The following FAM219A variants were observed in gnomAD, a reference collection of about 807,000 sequenced individuals.
FAM219A encodes protein FAM219A.
A neutral mutation model predicts 23.4 loss-of-function variants in FAM219A; 7 were observed. That is an observed-to-expected ratio of 0.30 (90% CI 0.17 to 0.56). The LOEUF (loss-of-function observed/expected upper bound fraction) is 0.56. Ranked by LOEUF, FAM219A falls within the 20% of genes least tolerant of loss-of-function variation. The pLI is 0.92. For synonymous variants in FAM219A, 93 were observed against 99.0 expected (o/e 0.94, Z 0.36); for missense variants, 166 against 246.9 (o/e 0.67, Z 2.20).
chr9:34,458,372 C>A lies in FAM219A; in HGVS notation c.-109G>T. On this transcript the variant is annotated 5_prime_UTR_variant, in exon 1 of 6. Coordinates refer to ENST00000651358, the MANE Select transcript of FAM219A (RefSeq NM_001184940.2). This position sits in a 1 kb window ranked among gnomAD's most constrained non-coding sequence, Gnocchi z 6.6. ...GGCGGGTGGTGCAGACTAGGCCTCC[C>A]CGGACCACTCGGGCGGGCAGGGGCC... 1 of 739,186 alleles carries A rather than the reference C, an allele frequency of 1.4e-6. No individual in the cohort carries two copies. The highest frequency in any genetic ancestry group is 1.8e-6 in the Non-Finnish European group (1 of 553,668). 45.8% of individuals were successfully genotyped at this position (739,186 alleles called of 1,614,324 possible).
chr9:34,404,773 T>C (rs1821577658), intron 2 of FAM219A, among the ~76,000 whole-genome samples: 1 of 152,082 alleles, frequency 6.6e-6, no homozygotes, highest in African/African-American at 2.4e-5. Context: ...GGCTGCAGTT[T>C]TAATCTGATG....
At chr9:34,431,304 T>G (rs1285293033) in intron 1 of FAM219A, among the ~76,000 whole-genome samples, 1 of 152,164 alleles carries the variant, frequency 6.6e-6, no homozygotes, top group African/African-American at 2.4e-5. Flanking sequence ...ATTCTCCATG[T>G]GATAAATCAA....
At chr9:34,409,074 G>C (rs889369380) in intron 1 of FAM219A, among the ~76,000 whole-genome samples, 1 of 152,186 alleles carries the variant, frequency 6.6e-6, no homozygotes, top group South Asian at 2.1e-4. Context: ...TTTGATCCTG[G>C]ATGAAACTGC....
intron 1 of FAM219A, among the ~76,000 whole-genome samples, chr9:34,453,767 C>T (rs1490899236): frequency 6.6e-6 from 1 of 152,208 alleles, no homozygotes; most frequent in African/African-American, 2.4e-5. Context: ...CAATTAAGTG[C>T]TTAAAAGCTC....
At chr9:34,436,028 C>T (rs865897193) in intron 1 of FAM219A, among the ~76,000 whole-genome samples, 1 of 152,144 alleles carries the variant, frequency 6.6e-6, no homozygotes, top group Non-Finnish European at 1.5e-5. Context: ...TGGTCTCAAT[C>T]TCCTGACCTC....
At chr9:34,437,107 T>G (rs1588062668) in intron 1 of FAM219A, among the ~76,000 whole-genome samples, 1 of 152,234 alleles carries the variant, frequency 6.6e-6, no homozygotes, top group East Asian at 1.9e-4. Flanking sequence ...GGGTTTGCAC[T>G]TCCCAGGAAA....
In FAM219A at chr9:34,401,690, G is replaced by T; in HGVS notation, c.375C>A (p.Ser125=). 6.2e-7 allele frequency: 1 copy of T among 1,608,870 alleles called. No homozygotes were observed. The highest frequency in any genetic ancestry group is 8.5e-7 in the Non-Finnish European group (1 of 1,178,702). ...CCTCAGCAGAGGAGTAGCCGGAGGA[G>T]GAGTATCTAGACATGTCAAAGTCAT... is the stretch of plus-strand genomic sequence containing the variant. ...SDDDFDMSRY[S]SSGYSSAEQI... is the part of the protein sequence containing the mutation. The change falls in exon 5 of 6, where the codon TCC becomes TCA. Residue 125 remains serine (S), a synonymous_variant. Transcript: ENST00000651358.
At chr9:34,443,110 A>C (rs1823242396) in intron 1 of FAM219A, among the ~76,000 whole-genome samples, 1 of 152,170 alleles carries the variant, frequency 6.6e-6, no homozygotes, top group Non-Finnish European at 1.5e-5. Flanking sequence ...TTTCCAGGGC[A>C]AACCATTAAA....
intron 1 of FAM219A, among the ~76,000 whole-genome samples, chr9:34,437,789 T>C (rs959337550): frequency 2.6e-4 from 39 of 152,378 alleles, no homozygotes; most frequent in African/African-American, 8.4e-4. Flanking sequence ...TCGGTCGCTC[T>C]CAGCGCCTCC....
chr9:34,414,478 T>G (rs1394873250), intron 1 of FAM219A, among the ~76,000 whole-genome samples: 3 of 152,092 alleles, frequency 2.0e-5, no homozygotes, highest in Non-Finnish European at 4.4e-5. Flanking sequence ...TGTATACCTA[T>G]GTAACAAACC....
chr9:34,402,720 A>G lies in FAM219A; in HGVS notation c.248T>C (p.Val83Ala), dbSNP rs867843870. 6.2e-7 allele frequency: 1 copy of G among 1,614,160 alleles called. No homozygotes were observed. The highest frequency in any genetic ancestry group is 1.7e-4 in the Middle Eastern group (1 of 6,060). Reference protein sequence around the residue: ...PVNQQPKKNNVMARTRLVVPN... With the variant: ...PVNQQPKKNNAMARTRLVVPN... ...GGGCCTCTACCTTGTTCGGGCCATG[A>G]CATTGTTCTTCTTGGGTTGCTGGTT... The change falls in exon 3 of 6, where the codon GTC (valine) becomes GCC (alanine). Residue 83 changes from valine (V) to alanine (A), a missense_variant. Val to Ala is a moderately conservative substitution (Grantham distance 64). This residue lies in a region of FAM219A where 89 missense variants were observed against 98.8 expected (regional missense o/e 0.90). Transcript: ENST00000651358.
intron 1 of FAM219A, among the ~76,000 whole-genome samples, chr9:34,451,554 C>T (rs1295589948): frequency 6.7e-6 from 1 of 148,654 alleles, no homozygotes. Context: ...ACACGAGGCT[C>T]CACCTGCCTT....
At chr9:34,453,415 C>G (rs1823626240) in intron 1 of FAM219A, among the ~76,000 whole-genome samples, 1 of 152,168 alleles carries the variant, frequency 6.6e-6, no homozygotes, top group Admixed American at 6.5e-5. Context: ...GTCAGAATCT[C>G]AGCATTCCTC....
At chr9:34,446,734 T>C (rs1823390388) in intron 1 of FAM219A, among the ~76,000 whole-genome samples, 1 of 152,250 alleles carries the variant, frequency 6.6e-6, no homozygotes, top group Non-Finnish European at 1.5e-5. Flanking sequence ...TCTCTGAGAC[T>C]GCTTATTCAT....
At position 34,398,198 on chromosome 9, in the gene FAM219A, C is replaced by T; in HGVS notation, c.*2766G>A. 1 of 1,472,200 alleles carries T rather than the reference C, an allele frequency of 6.8e-7. No individual in the cohort carries two copies. Among genetic ancestry groups the T allele is most frequent in the Non-Finnish European group, 9.3e-7 (1 of 1,078,198 alleles). The allele number at this position is 1,472,200 out of a possible 1,614,324, so 91.2% of individuals were successfully genotyped here. A position where few individuals can be genotyped will look rare whatever the true frequency, so the allele number is the denominator to read the frequency against. ...GGAGCTGAGGCTGGCTTGTTTGATG[C>T]TTTTAATATCATTATTTGTGTTACA... On this transcript the variant is annotated 3_prime_UTR_variant, in exon 6 of 6. Coordinates refer to ENST00000651358, the MANE Select transcript of FAM219A (RefSeq NM_001184940.2).
intron 1 of FAM219A, among the ~76,000 whole-genome samples, chr9:34,410,068 A>T (rs1461546924): frequency 6.6e-6 from 1 of 152,224 alleles, no homozygotes. Context: ...TCAGTGATGG[A>T]GTCAATAACC....
chr9:34,413,574 T>C (rs1821900538), intron 1 of FAM219A, among the ~76,000 whole-genome samples: 1 of 152,192 alleles, frequency 6.6e-6, no homozygotes, highest in Non-Finnish European at 1.5e-5. Flanking sequence ...AAAATGGAAA[T>C]GGATTTAGAG....
At chr9:34,440,885 A>G (rs1823145303) in intron 1 of FAM219A, among the ~76,000 whole-genome samples, 1 of 151,826 alleles carries the variant, frequency 6.6e-6, no homozygotes, top group Non-Finnish European at 1.5e-5. Context: ...AAGAAATGTT[A>G]TCTTACTATG....
Position 34,398,395 on chromosome 9 carries a change from C to T in FAM219A, c.*2569G>A. The T allele has an allele frequency of 1.3e-6, 2 of 1,549,538 alleles. No homozygotes were observed. The highest frequency in any genetic ancestry group is 1.2e-5 in the South Asian group (1 of 84,016). On this transcript the variant is annotated 3_prime_UTR_variant, in exon 6 of 6. Transcript: ENST00000651358. The stretch of plus-strand genomic sequence containing the variant: ...GGAGGGAGTGTTAAGGCAGTATCTA[C>T]AAGGGGAAGGGTGGCAGGAGGGCAA...
Sources: gnomAD v4.1 joint callset for allele counts (sites outside exome capture counted in the v4.1 genomes callset) on GRCh38, gnomAD v4.1.1 for gene constraint, gnomAD v4.1.1 regional missense constraint, Gnocchi (gnomAD v3.1) non-coding constraint, MANE v1.5 for transcripts, NCBI Gene and HGNC (gene_info 2026-07-23, HGNC 2026-07-21) for gene names.